Variants in AFDN observed in about 807,000 individuals in gnomAD.
AFDN encodes afadin, adherens junction formation factor.
A neutral mutation model predicts 216.6 loss-of-function variants in AFDN; 68 were observed. The observed-to-expected ratio is 0.31, with a 90% CI of 0.26 to 0.38. The LOEUF (loss-of-function observed/expected upper bound fraction) is 0.38, where lower values mean the gene tolerates loss of function less well. Ranked by LOEUF, AFDN falls within the 10% of genes least tolerant of loss-of-function variation. AFDN has a pLI of 1.00. For missense variants in AFDN, 2,136 were observed against 2,342.0 expected, an observed-to-expected ratio of 0.91 and a Z score of 1.82; for synonymous variants, 868 against 853.7, an observed-to-expected ratio of 1.02 and a Z score of -0.29.
At chr6:167,864,003 G>A (rs1261492629) in intron 1 of AFDN, among the ~76,000 whole-genome samples, 1 of 151,912 alleles carries the variant, frequency 6.6e-6, no homozygotes, top group African/African-American at 2.4e-5. Context: ...TTAATGGTTG[G>A]GACCAACATT....
intron 23 of AFDN, among the ~76,000 whole-genome samples, chr6:167,934,940 C>T (rs1793796690): frequency 6.6e-6 from 1 of 152,150 alleles, no homozygotes; most frequent in Non-Finnish European, 1.5e-5. Context: ...CATTTCTCAT[C>T]GGATGTACAA....
chr6:167,857,624 A>G (rs1181506820), intron 1 of AFDN, among the ~76,000 whole-genome samples: 1 of 152,082 alleles, frequency 6.6e-6, no homozygotes, highest in Non-Finnish European at 1.5e-5. Flanking sequence ...ATTTCCAATA[A>G]ATACATCCTT....
intron 1 of AFDN, among the ~76,000 whole-genome samples, chr6:167,834,470 TTTTTTTTTTC>T (rs1446308580): frequency 2.7e-5 from 4 of 145,988 alleles, no homozygotes; most frequent in Admixed American, 1.4e-4. Context: ...TTTTTTTTTT[TTTTTTTTTTC>T]GAAAGGTATA....
chr6:167,945,500 A>G (rs1045541358), intron 26 of AFDN, among the ~76,000 whole-genome samples: 21 of 152,274 alleles, frequency 1.4e-4, no homozygotes, highest in African/African-American at 4.8e-4. Flanking sequence ...ATATTACATT[A>G]TCAAGTATTA....
chr6:167,969,164 G>T lies in AFDN; in HGVS notation c.5308G>T (p.Ala1770Ser), dbSNP rs746281808. ...STGAAVGAHD[A>S]CRDAKEKRSK... ...TGGAGCAGCTGTTGGAGCCCATGAC[G>T]CCTGTCGGGATGCAAAAGAGAAGCG... The change falls in exon 33 of 34, where the codon GCC (alanine) becomes TCC (serine). Residue 1770 changes from alanine (A) to serine (S), a missense_variant. Ala to Ser is a moderately conservative substitution (Grantham distance 99). Around this residue, in one of 8 missense-constraint regions of AFDN, gnomAD observed 981 missense variants for 966.0 expected, o/e 1.02. Transcript: ENST00000683244. The T allele has an allele frequency of 1.7e-5, 28 of 1,613,810 alleles. No individual in the cohort carries two copies. The highest frequency in any genetic ancestry group is 1.9e-5 in the Non-Finnish European group (22 of 1,179,852).
At chr6:167,870,684 C>G (rs1784692463) in intron 3 of AFDN, among the ~76,000 whole-genome samples, 186 bp downstream of exon 3, 1 of 152,128 alleles carries the variant, frequency 6.6e-6, no homozygotes, top group African/African-American at 2.4e-5. Flanking sequence ...TTTATCTCAA[C>G]TAGTAATTCC....
At chr6:167,851,759 C>A (rs148110191) in intron 1 of AFDN, among the ~76,000 whole-genome samples, 1 of 152,122 alleles carries the variant, frequency 6.6e-6, no homozygotes, top group African/African-American at 2.4e-5. Context: ...GCCTCACTTG[C>A]TTTTTGTATG....
chr6:167,900,814 C>T (rs1788850552), intron 11 of AFDN, among the ~76,000 whole-genome samples: 1 of 152,174 alleles, frequency 6.6e-6, no homozygotes, highest in South Asian at 2.1e-4. Context: ...TGGACTGAAT[C>T]TCCCACTCAA....
At chr6:167,959,552 T>G (rs981900493) in intron 30 of AFDN, among the ~76,000 whole-genome samples, 2 of 152,194 alleles carry the variant, frequency 1.3e-5, no homozygotes, top group African/African-American at 4.8e-5. Context: ...GCAGAAAAAG[T>G]CTGTAGAGTA....
chr6:167,852,986 A>G (rs1234191502), intron 1 of AFDN, among the ~76,000 whole-genome samples: 1 of 152,138 alleles, frequency 6.6e-6, no homozygotes, highest in Non-Finnish European at 1.5e-5. Context: ...TTTCTGACCT[A>G]GACCTGGATT....
Position 167,898,261 on chromosome 6 carries a change from G to A in AFDN, c.1374G>A (p.Val458=). Residue 458 remains valine, a synonymous_variant, in exon 11 of 34, where the codon GTG becomes GTA. Coordinates refer to ENST00000683244, the MANE Select transcript of AFDN (RefSeq NM_001386888.1). ...HHCDLTNMDG[V]VTVTPRSMDA... ...GTGACCTTACCAACATGGATGGAGT[G>A]GTCACTGTGACGCCCAGAAGTATGG... The A allele has an allele frequency of 6.2e-7, 1 of 1,614,098 alleles. No homozygotes were observed. Among genetic ancestry groups the A allele is most frequent in the Non-Finnish European group, 8.5e-7 (1 of 1,180,006 alleles).
chr6:167,882,631 C>T (rs1356784995), intron 6 of AFDN, among the ~76,000 whole-genome samples: 2 of 151,982 alleles, frequency 1.3e-5, no homozygotes, highest in African/African-American at 2.4e-5. Context: ...GGCGATGGAG[C>T]GAGACTCTGT....
intron 26 of AFDN, 100 bp from the exon 27 acceptor site, chr6:167,946,607 C>A (rs1795290986): frequency 2.9e-6 from 3 of 1,041,708 alleles, no homozygotes; most frequent in Non-Finnish European, 4.2e-6. Flanking sequence ...ACCTTTATCA[C>A]CTTATTTCTT....
intron 1 of AFDN, among the ~76,000 whole-genome samples, chr6:167,860,153 G>A: frequency 8.0e-6 from 1 of 125,134 alleles, no homozygotes; most frequent in East Asian, 2.6e-4. Flanking sequence ...AGTACCTACA[G>A]CAATGCTTTT....
At chr6:167,931,773 G>C (rs4708415) in intron 23 of AFDN, among the ~76,000 whole-genome samples, 19,287 of 152,110 alleles carry the variant, frequency 0.13, 1,480 homozygotes, top group South Asian at 0.23. Context: ...GGGTAGGGCA[G>C]TATACAGGGG....
chr6:167,827,110 G>T lies in AFDN; in HGVS notation c.-23G>T, dbSNP rs1779171889. ...CGTCCTCCGGCCCCGGCCCCGCGCG[G>T]CTGAGGAGGCGCGGCCAGGACCATG... On this transcript the variant is annotated 5_prime_UTR_variant, in exon 1 of 34. Transcript: ENST00000683244. 2.5e-6 allele frequency: 3 copies of T among 1,224,094 alleles called. No homozygotes were observed. Among genetic ancestry groups the T allele is most frequent in the East Asian group, 7.1e-5 (1 of 14,046 alleles). 75.8% of individuals were successfully genotyped at this position (1,224,094 alleles called of 1,614,324 possible).
intron 1 of AFDN, among the ~76,000 whole-genome samples, chr6:167,857,758 T>C (rs903507443): frequency 2.0e-5 from 3 of 152,158 alleles, no homozygotes; most frequent in African/African-American, 2.4e-5. Context: ...GAAGCACTTA[T>C]ATTACTACAT....
intron 23 of AFDN, among the ~76,000 whole-genome samples, chr6:167,942,031 A>G (rs1234316710): frequency 3.9e-5 from 6 of 152,220 alleles, no homozygotes; most frequent in Admixed American, 3.9e-4. Flanking sequence ...GGATGGTTTT[A>G]TGCTTACAAA....
At chr6:167,916,462 G>A (rs989893292) in intron 19 of AFDN, among the ~76,000 whole-genome samples, 2 of 152,138 alleles carry the variant, frequency 1.3e-5, no homozygotes, top group Non-Finnish European at 2.9e-5. Context: ...ATGGATTTCA[G>A]AACACTTTAC....
Sources: gnomAD v4.1 joint callset for allele counts (sites outside exome capture counted in the v4.1 genomes callset) on GRCh38, gnomAD v4.1.1 for gene constraint, gnomAD v4.1.1 regional missense constraint, MANE v1.5 for transcripts, NCBI Gene and HGNC (gene_info 2026-07-23, HGNC 2026-07-21) for gene names.